The following ATP2B2 variants were observed in gnomAD, a reference collection of about 807,000 sequenced individuals.
ATP2B2 encodes ATPase plasma membrane Ca2+ transporting 2, also known as plasma membrane calcium-transporting ATPase 2.
ATP2B2 carries 15 observed loss-of-function variants against 120.0 expected under a neutral mutation model. The observed-to-expected ratio is 0.12, with a 90% confidence interval of 0.08 to 0.19. ATP2B2 has a LOEUF of 0.19. Among genes scored for constraint, ATP2B2 ranks in the 10% least tolerant of loss-of-function variants. The pLI, the probability that ATP2B2 is intolerant of heterozygous loss-of-function variation, is 1.00. For missense variants in ATP2B2, 1,045 were observed against 1,719.8 expected, an observed-to-expected ratio of 0.61 and a Z score of 6.94; for synonymous variants, 694 against 700.3, an observed-to-expected ratio of 0.99 and a Z score of 0.14.
At chr3:10,477,064 G>A (rs897741553) in intron 1 of ATP2B2, among the ~76,000 whole-genome samples, 1 of 152,224 alleles carries the variant, frequency 6.6e-6, no homozygotes, top group African/African-American at 2.4e-5. Flanking sequence ...GGCTTGAAAT[G>A]TTAGCTGAAA....
At chr3:10,476,236 G>A (rs1158169778) in intron 1 of ATP2B2, among the ~76,000 whole-genome samples, 3 of 152,182 alleles carry the variant, frequency 2.0e-5, no homozygotes, top group Non-Finnish European at 2.9e-5. Context: ...AGCTGAAGCC[G>A]TGGAGAGCTT....
At chr3:10,409,756 A>C (rs1489946142) in intron 3 of ATP2B2, among the ~76,000 whole-genome samples, 1 of 152,228 alleles carries the variant, frequency 6.6e-6, no homozygotes, top group Admixed American at 6.5e-5. Flanking sequence ...TTATTTAGGG[A>C]AAATGAGGCC....
At chr3:10,438,391 G>A (rs539803569) in intron 2 of ATP2B2, among the ~76,000 whole-genome samples, 35 of 152,248 alleles carry the variant, frequency 2.3e-4, no homozygotes, top group African/African-American at 7.7e-4. Flanking sequence ...TTTCTCCTTC[G>A]TCCTACTTCC....
At chr3:10,476,101 C>T (rs1350472808) in intron 1 of ATP2B2, among the ~76,000 whole-genome samples, 1 of 152,076 alleles carries the variant, frequency 6.6e-6, no homozygotes, top group African/African-American at 2.4e-5. Context: ...CCCCGCTAAG[C>T]AAGTTTCTCT....
intron 12 of ATP2B2, among the ~76,000 whole-genome samples, chr3:10,360,655 A>G (rs966757102): frequency 1.3e-5 from 2 of 152,192 alleles, no homozygotes; most frequent in African/African-American, 4.8e-5. Context: ...GATGCCGTAT[A>G]CCCTTCATCC....
At chr3:10,646,196 AAGACTCCT>A (rs2070317787) in intron 1 of ATP2B2, among the ~76,000 whole-genome samples, 1 of 152,180 alleles carries the variant, frequency 6.6e-6, no homozygotes, top group African/African-American at 2.4e-5. Context: ...TAAATCGCTA[AAGACTCCT>A]AGGTTTCTGC....
intron 1 of ATP2B2, among the ~76,000 whole-genome samples, chr3:10,499,062 G>A (rs1335405172): frequency 7.9e-5 from 12 of 152,154 alleles, no homozygotes; most frequent in Non-Finnish European, 1.6e-4. Flanking sequence ...AAAGCTACCT[G>A]CCCAAGGTCA....
intron 1 of ATP2B2, among the ~76,000 whole-genome samples, chr3:10,634,514 G>A (rs1443481273): frequency 3.3e-5 from 5 of 152,142 alleles, no homozygotes; most frequent in Admixed American, 3.3e-4. Flanking sequence ...CCAGCCAACT[G>A]AACAATCTCC....
chr3:10,444,930 G>T (rs1417703917), intron 2 of ATP2B2, among the ~76,000 whole-genome samples: 1 of 152,214 alleles, frequency 6.6e-6, no homozygotes, highest in Non-Finnish European at 1.5e-5. Flanking sequence ...TGAGCTCCCA[G>T]GCAATGCATC....
chr3:10,386,538 T>C (rs765507776), intron 6 of ATP2B2, 26 bp from the exon 7 acceptor site: 2 of 1,613,926 alleles, frequency 1.2e-6, no homozygotes, highest in South Asian at 2.2e-5. Flanking sequence ...TGAGACATGT[T>C]AATGAAGGAG....
chr3:10,567,365 A>G lies in ATP2B2; in HGVS notation c.-414-33232T>C, dbSNP rs369733104. Among the ~76,000 whole-genome samples, 26 of 152,370 alleles carry G rather than the reference A, an allele frequency of 1.7e-4. No individual in the cohort carries two copies. In the East Asian group the frequency reaches 2.5e-3, roughly 15 times the overall value. ...CTGTTTCTGGGATCACCAAATGGAC[A>G]TGATAATGTCTCCTGTGTTAGGAGA... On this transcript the variant is annotated intron_variant, in intron 2 of 21. Coordinates refer to the ATP2B2 transcript ENST00000646379.
At chr3:10,524,907 C>T (rs2067059695) in intron 3 of ATP2B2, among the ~76,000 whole-genome samples, 1 of 152,148 alleles carries the variant, frequency 6.6e-6, no homozygotes, top group East Asian at 1.9e-4. Flanking sequence ...TTCATTTTTT[C>T]ACTTACCTAT....
chr3:10,348,903 G>C (rs2060501269), intron 16 of ATP2B2, among the ~76,000 whole-genome samples: 1 of 152,194 alleles, frequency 6.6e-6, no homozygotes, highest in South Asian at 2.1e-4. Context: ...GAATGAATAA[G>C]AATAAGGATG....
At chr3:10,678,406 G>C (rs1266606065) in intron 1 of ATP2B2, among the ~76,000 whole-genome samples, 1 of 152,206 alleles carries the variant, frequency 6.6e-6, no homozygotes, top group Non-Finnish European at 1.5e-5. Flanking sequence ...CCAGCTCAGA[G>C]GGAGGAAAGG....
intron 2 of ATP2B2, among the ~76,000 whole-genome samples, chr3:10,444,115 T>C (rs1299444684): frequency 1.1e-4 from 16 of 152,224 alleles, no homozygotes; most frequent in Admixed American, 1.0e-3. Context: ...GAATGGAGCA[T>C]GGGCCGCTTC....
intron 2 of ATP2B2, among the ~76,000 whole-genome samples, chr3:10,576,749 G>A (rs1378863986): frequency 2.0e-5 from 3 of 152,038 alleles, no homozygotes; most frequent in African/African-American, 7.2e-5. Flanking sequence ...GGCATAACGT[G>A]GGAGGCTGTC....
At chr3:10,479,330 T>C (rs1334097292) in intron 1 of ATP2B2, among the ~76,000 whole-genome samples, 3 of 151,498 alleles carry the variant, frequency 2.0e-5, no homozygotes, top group African/African-American at 4.9e-5. Context: ...CCTCTGCTTG[T>C]CCCCCACCAC....
At chr3:10,512,738 C>T (rs1412640071) in intron 3 of ATP2B2, among the ~76,000 whole-genome samples, 1 of 152,206 alleles carries the variant, frequency 6.6e-6, no homozygotes, top group East Asian at 1.9e-4. Context: ...CAACCACAGC[C>T]CTTCCCTGTC....
At chr3:10,691,022 G>T (rs894415952) in intron 1 of ATP2B2, among the ~76,000 whole-genome samples, 2 of 152,212 alleles carry the variant, frequency 1.3e-5, no homozygotes, top group Non-Finnish European at 2.9e-5. Flanking sequence ...TGTGTGGAAG[G>T]CACTTTCCAA....
Sources: allele counts gnomAD v4.1 joint callset (sites outside exome capture counted in the v4.1 genomes callset), GRCh38; gene constraint gnomAD v4.1.1; transcripts MANE v1.5; gene names NCBI Gene and HGNC (gene_info 2026-07-23, HGNC 2026-07-21).